ITIH5: variants seen among roughly 807,000 people sequenced by gnomAD.
The protein encoded by ITIH5 is inter-alpha-trypsin inhibitor heavy chain H5.
Under a neutral mutation model 77.5 loss-of-function variants are expected in ITIH5, and 65 were observed. The ratio of observed to expected loss-of-function variants is 0.84; its 90% CI spans 0.69 to 1.03. The LOEUF (loss-of-function observed/expected upper bound fraction) is 1.03. Among genes scored for constraint, ITIH5 ranks in the 50% least tolerant of loss-of-function variants. The pLI, the probability that ITIH5 is intolerant of heterozygous loss-of-function variation, is 0.00. For synonymous variants in ITIH5, 525 were observed against 494.3 expected (o/e 1.06, Z -0.82); for missense variants, 1,208 against 1,213.1 (o/e 1.00, Z 0.06).
chr10:7,645,392 A>G (rs1392395097), intron 2 of ITIH5, among the ~76,000 whole-genome samples: 1 of 152,190 alleles, frequency 6.6e-6, no homozygotes, highest in African/African-American at 2.4e-5. Context: ...CATCACCTGG[A>G]AACTTGCTAG....
chr10:7,564,305 T>C (rs1198394452), intron 13 of ITIH5, among the ~76,000 whole-genome samples: 1 of 152,246 alleles, frequency 6.6e-6, no homozygotes, highest in Non-Finnish European at 1.5e-5. Flanking sequence ...AATCTAATGT[T>C]CATATTACAT....
At chr10:7,582,087 G>T (rs921484025) in intron 8 of ITIH5, among the ~76,000 whole-genome samples, 1 of 151,856 alleles carries the variant, frequency 6.6e-6, no homozygotes, top group African/African-American at 2.4e-5. Flanking sequence ...ATGTTGGCCA[G>T]GCTGGTCTTG....
Position 7,559,748 on chromosome 10 carries a change from G to A in ITIH5, c.*3335C>T, listed in dbSNP as rs1205077263. 2.2e-6 allele frequency: 1 copy of A among 448,262 alleles called. No individual in the cohort carries two copies. The highest frequency in any genetic ancestry group is 2.4e-5 in the Admixed American group (1 of 41,090). The allele number at this position is 448,262 out of a possible 1,614,324, so 27.8% of individuals were successfully genotyped here. A position where few individuals can be genotyped will look rare whatever the true frequency, so the allele number is the denominator to read the frequency against. On this transcript the variant is annotated 3_prime_UTR_variant, in exon 14 of 14. Coordinates refer to ENST00000397146, the MANE Select transcript of ITIH5 (RefSeq NM_030569.7). ...CCAAGATCAAGGTGCCAGCAGACATGGTGTCTGGTGAGGGCCGTCTTCCTG... is the reference window on the plus strand; with the variant it reads ...CCAAGATCAAGGTGCCAGCAGACATAGTGTCTGGTGAGGGCCGTCTTCCTG...
At chr10:7,635,088 C>T (rs115650899) in intron 5 of ITIH5, among the ~76,000 whole-genome samples, 1,531 of 152,244 alleles carry the variant, frequency 0.01, 25 homozygotes, top group African/African-American at 0.036. Context: ...CATCCCTGGC[C>T]TGCTTTTCTT....
chr10:7,637,298 G>A lies in ITIH5; in HGVS notation c.582C>T (p.Ser194=). 1 of 1,613,222 alleles carries A rather than the reference G, an allele frequency of 6.2e-7. No individual in the cohort carries two copies. The highest frequency in any genetic ancestry group is 8.5e-7 in the Non-Finnish European group (1 of 1,180,038). ...RLSVDVNILE[S]AGIASLEVLP... is the part of the protein sequence containing the mutation. Reference sequence around the variant, plus strand: ...GCACCTCCAGGGATGCGATGCCCGCGCTCTCCAGGATATTCACGTCCACGC... The same window carrying A: ...GCACCTCCAGGGATGCGATGCCCGCACTCTCCAGGATATTCACGTCCACGC... Residue 194 remains serine, a synonymous_variant, in exon 5 of 14, where the codon AGC becomes AGT. Transcript: ENST00000397146.
intron 7 of ITIH5, among the ~76,000 whole-genome samples, chr10:7,600,106 T>C (rs1405249764): frequency 6.6e-6 from 1 of 151,926 alleles, no homozygotes; most frequent in Non-Finnish European, 1.5e-5. Context: ...GGAAGGAGGG[T>C]TAAGTAGAAA....
chr10:7,583,256 T>C (rs567202019), intron 8 of ITIH5, among the ~76,000 whole-genome samples: 1 of 152,380 alleles, frequency 6.6e-6, no homozygotes, highest in South Asian at 2.1e-4. Flanking sequence ...CAAATGTTCA[T>C]AATTCTTGCT....
At chr10:7,616,202 A>G in intron 6 of ITIH5, 104 bp from the exon 7 acceptor site, 1 of 714,104 alleles carries the variant, frequency 1.4e-6, no homozygotes, top group Non-Finnish European at 2.5e-6. Flanking sequence ...AGCATGACAA[A>G]GAGTTTAGGG....
At chr10:7,598,047 A>G (rs1357309293) in intron 7 of ITIH5, among the ~76,000 whole-genome samples, 1 of 152,198 alleles carries the variant, frequency 6.6e-6, no homozygotes, top group Non-Finnish European at 1.5e-5. Context: ...GAAGAAATCA[A>G]AACATTACAA....
Position 7,640,801 on chromosome 10 carries a change from A to G in ITIH5, c.354T>C (p.Ser118=). Residue 118 remains serine, a synonymous_variant, in exon 4 of 14, where the codon AGT becomes AGC. Coordinates refer to ENST00000397146, the MANE Select transcript of ITIH5 (RefSeq NM_030569.7). ...TCCTTTTCTCTTTTACCCTATCACC[A>G]CTCTTCTTTTCTCTCTCTGTAATTT... ...QGEITEREKK[S]GDRVKEKRNK... is the part of the protein sequence containing the mutation. 1 of 1,612,756 alleles carries G rather than the reference A, an allele frequency of 6.2e-7. No individual in the cohort carries two copies. Among genetic ancestry groups the G allele is most frequent in the Non-Finnish European group, 8.5e-7 (1 of 1,179,232 alleles).
chr10:7,575,115 C>G (rs528528616), intron 10 of ITIH5, among the ~76,000 whole-genome samples: 6 of 152,338 alleles, frequency 3.9e-5, no homozygotes, highest in Admixed American at 2.0e-4. Flanking sequence ...CTATCAGGGT[C>G]CGAACTTTTC....
Position 7,585,989 on chromosome 10 carries a change from G to C in ITIH5, c.1020C>G (p.Ile340Met), listed in dbSNP as rs1404215982. 1 of 1,614,058 alleles carries C rather than the reference G, an allele frequency of 6.2e-7. No individual in the cohort carries two copies. The highest frequency in any genetic ancestry group is 8.5e-7 in the Non-Finnish European group (1 of 1,179,966). The change falls in exon 8 of 14, where the codon ATC becomes ATG. Residue 340 changes from isoleucine (I) to methionine (M), a missense_variant. Transcript: ENST00000397146. Reference protein sequence around the residue: ...RFSIIGFSNRIKVWKDHLISV... With the variant: ...RFSIIGFSNRMKVWKDHLISV... ...ATATCAAGTGGTCCTTCCATACTTT[G>C]ATCCGGTTGGAAAATCCAATGATAC...
chr10:7,623,372 G>A (rs1025553031), intron 5 of ITIH5, among the ~76,000 whole-genome samples: 2 of 152,142 alleles, frequency 1.3e-5, no homozygotes, highest in African/African-American at 2.4e-5. Context: ...TAAATATATG[G>A]AGGTCAAAAA....
intron 7 of ITIH5, among the ~76,000 whole-genome samples, chr10:7,586,301 G>A (rs376137281): frequency 5.3e-5 from 8 of 152,212 alleles, no homozygotes; most frequent in African/African-American, 1.7e-4. Context: ...GCCGCATCCC[G>A]CCACGGTACT....
intron 11 of ITIH5, chr10:7,572,150 C>T: frequency 1.8e-6 from 2 of 1,138,784 alleles, no homozygotes; most frequent in South Asian, 3.9e-5. Context: ...ATTCTGTCTC[C>T]CGCAGGCTGT....
chr10:7,585,835 A>AAAC (rs1832662885), intron 8 of ITIH5, 66 bp downstream of exon 8: 12 of 1,439,944 alleles, frequency 8.3e-6, no homozygotes, highest in East Asian at 2.3e-5. Flanking sequence ...CAAAAAAAAA[A>AAAC]AAAAACCAAA....
intron 1 of ITIH5, among the ~76,000 whole-genome samples, chr10:7,660,655 A>C (rs1292618991): frequency 1.3e-5 from 2 of 152,190 alleles, no homozygotes; most frequent in African/African-American, 2.4e-5. Flanking sequence ...CCCAGGATCC[A>C]CCGGAGCATC....
intron 2 of ITIH5, among the ~76,000 whole-genome samples, chr10:7,655,336 A>T (rs1408039231): frequency 6.6e-6 from 1 of 152,182 alleles, no homozygotes; most frequent in Non-Finnish European, 1.5e-5. Context: ...TTCCTGAGTA[A>T]GGATGTCATA....
chr10:7,613,029 G>A (rs1220527600), intron 7 of ITIH5, among the ~76,000 whole-genome samples: 1 of 152,158 alleles, frequency 6.6e-6, no homozygotes, highest in Non-Finnish European at 1.5e-5. Flanking sequence ...CAGATTACCT[G>A]AGGTTAGGAG....
Sources: allele counts gnomAD v4.1 joint callset (sites outside exome capture counted in the v4.1 genomes callset), GRCh38; gene constraint gnomAD v4.1.1; transcripts MANE v1.5; gene names NCBI Gene and HGNC (gene_info 2026-07-23, HGNC 2026-07-21).